Variants in SYNC observed in about 807,000 individuals in gnomAD.
SYNC encodes syncoilin, intermediate filament protein, also known as syncoilin.
A neutral mutation model predicts 49.5 loss-of-function variants in SYNC; 38 were observed. The observed-to-expected ratio is 0.77, with a 90% CI of 0.59 to 1.01. The LOEUF (loss-of-function observed/expected upper bound fraction) is 1.01, where lower values mean the gene tolerates loss of function less well. Among genes scored for constraint, SYNC ranks in the 50% least tolerant of loss-of-function variants. SYNC has a pLI of 0.00. For missense variants in SYNC, 579 were observed against 580.6 expected (o/e 1.00, Z 0.03); for synonymous variants, 201 against 230.8 (o/e 0.87, Z 1.17).
Position 32,702,437 on chromosome 1 carries a change from G to A in SYNC, c.53+171C>T, listed in dbSNP as rs773092081. Among the ~76,000 whole-genome samples, 40 of 152,116 alleles carry A rather than the reference G, an allele frequency of 2.6e-4. No individual in the cohort carries two copies. The highest frequency in any genetic ancestry group is 4.3e-4 in the Non-Finnish European group (29 of 68,006). On this transcript the variant is annotated intron_variant, in intron 1 of 4. Coordinates refer to ENST00000409190, the MANE Select transcript of SYNC (RefSeq NM_030786.3). This position sits in a 1 kb window ranked among gnomAD's most constrained non-coding sequence, Gnocchi z 6.2. ...AGACAAACGGAGGTGCCAGGACCCC[G>A]GGACGGCCCGACTCCCCGATGTCCC...
chr1:32,703,049 TG>T (rs1650732052), upstream of SYNC: 1 of 150,640 alleles, frequency 6.6e-6, no homozygotes, highest in African/African-American at 2.5e-5. Context: ...CCTGGGAGGG[TG>T]GAGGCAGGGT....
rs975305072 is a variant in SYNC at position 32,679,966 on chromosome 1, A to C, written c.*1884T>G. ...GGTCTAAAGTAGCTACAGAAAGGGG[A>C]ATATTATGTGTGATTATTTTTCTTC... On this transcript the variant is annotated 3_prime_UTR_variant, in exon 5 of 5. Coordinates refer to ENST00000409190, the MANE Select transcript of SYNC (RefSeq NM_030786.3). The C allele has an allele frequency of 5.6e-6, 7 of 1,246,414 alleles. No homozygotes were observed. The African/African-American group carries it at 1.1e-4, about 20-fold the overall frequency. The allele number at this position is 1,246,414 out of a possible 1,614,324, so 77.2% of individuals were successfully genotyped here.
chr1:32,683,915 G>A, intron 4 of SYNC, 95 bp downstream of exon 4: 1 of 1,281,864 alleles, frequency 7.8e-7, no homozygotes, highest in East Asian at 2.3e-5. Context: ...TTACAGGCGT[G>A]AGCCACCCCG....
At chr1:32,682,019 AATGGTG>A (rs1244498446) in intron 4 of SYNC, 159 bp from the exon 5 acceptor site, 12 of 641,768 alleles carry the variant, frequency 1.9e-5, no homozygotes, top group Non-Finnish European at 2.8e-5. Context: ...AAATAGAATG[AATGGTG>A]ATGGTGATGG....
Position 32,695,440 on chromosome 1 carries a change from C to T in SYNC, c.658G>A (p.Ala220Thr), listed in dbSNP as rs553269840. 2 of 1,551,668 alleles carry T rather than the reference C, an allele frequency of 1.3e-6. No homozygotes were observed. Among genetic ancestry groups the T allele is most frequent in the Admixed American group, 2.0e-5 (1 of 50,890 alleles). Residue 220 changes from alanine (A) to threonine (T), a missense_variant, in exon 2 of 5, where the codon GCT becomes ACT. Transcript: ENST00000409190. ...EVQQVHQDIL[A>T]AYKLHAQAEL... ...GCTTGGGCATGGAGCTTGTAGGCAGCCAGGATGTCTTGATGGACTTGCTGT... is the reference window on the plus strand; with the variant it reads ...GCTTGGGCATGGAGCTTGTAGGCAGTCAGGATGTCTTGATGGACTTGCTGT...
chr1:32,691,327 A>G (rs933059878), intron 2 of SYNC, among the ~76,000 whole-genome samples: 15 of 151,172 alleles, frequency 9.9e-5, no homozygotes, highest in Non-Finnish European at 1.5e-4. Flanking sequence ...CCCGGGAGGT[A>G]GAGGTTGCAA....
chr1:32,698,182 C>T (rs1650514306), intron 1 of SYNC, among the ~76,000 whole-genome samples: 1 of 145,302 alleles, frequency 6.9e-6, no homozygotes, highest in South Asian at 2.2e-4. Context: ...GAGATCACAC[C>T]ACAGCCTGGG....
At chr1:32,687,861 A>ATTATTATTATTATTTTATTG (rs1280120903) in intron 2 of SYNC, among the ~76,000 whole-genome samples, 4 of 146,440 alleles carry the variant, frequency 2.7e-5, no homozygotes, top group Non-Finnish European at 6.0e-5. Flanking sequence ...TATTATTATT[A>ATTATTATTATTATTTTATTG]TTTTTTGAGA....
chr1:32,690,503 G>A (rs1232511829), intron 2 of SYNC, among the ~76,000 whole-genome samples: 1 of 151,928 alleles, frequency 6.6e-6, no homozygotes, highest in South Asian at 2.1e-4. Context: ...AAATTAGCGA[G>A]GCCTGGTGGC....
At chr1:32,698,793 T>G (rs1487655838) in intron 1 of SYNC, among the ~76,000 whole-genome samples, 3 of 151,448 alleles carry the variant, frequency 2.0e-5, no homozygotes, top group African/African-American at 7.3e-5. Flanking sequence ...CTTTTTTTTT[T>G]TTTTTGAGAT....
At chr1:32,683,945 A>ATT in intron 4 of SYNC, 65 bp downstream of exon 4, 1 of 1,529,080 alleles carries the variant, frequency 6.5e-7, no homozygotes, top group Non-Finnish European at 9.0e-7. Context: ...TTTTTAAGGC[A>ATT]TTAATTAGTA....
At position 32,695,348 on chromosome 1, in the gene SYNC, T is replaced by C. The variant is rs2148559788; in HGVS notation, c.750A>G (p.Thr250=). 1 of 1,551,682 alleles carries C rather than the reference T, an allele frequency of 6.4e-7. No homozygotes were observed. Among genetic ancestry groups the C allele is most frequent in the Non-Finnish European group, 8.7e-7 (1 of 1,147,064 alleles). ...RLVKQKLFKV[T]KECVAYQYQL... is the part of the protein sequence containing the mutation. ...GGTATTGGTAGGCCACACATTCCTT[T>C]GTCACTTTGAAAAGCTTCTGCTTGA... Residue 250 remains threonine (T), a synonymous_variant, in exon 2 of 5, where the codon ACA becomes ACG. Transcript: ENST00000409190.
Position 32,695,831 on chromosome 1 carries a change from C to G in SYNC, c.267G>C (p.Met89Ile). The change falls in exon 2 of 5, where the codon ATG (methionine) becomes ATC (isoleucine). Residue 89 changes from methionine to isoleucine, a missense_variant. Coordinates refer to ENST00000409190, the MANE Select transcript of SYNC (RefSeq NM_030786.3). The stretch of plus-strand genomic sequence containing the variant: ...CCACATGCAGAGCCTCATCTGGCTG[C>G]ATGGCCTCCTCAATATACAGGGCCT... ...AEEALYIEEA[M>I]QPDEALHVEE... is the part of the protein sequence containing the mutation. 2 of 1,551,960 alleles carry G rather than the reference C, an allele frequency of 1.3e-6. No homozygotes were observed. The highest frequency in any genetic ancestry group is 1.7e-6 in the Non-Finnish European group (2 of 1,147,052).
In SYNC at chr1:32,681,834, AT is replaced by A; in HGVS notation, c.*15del. 6.2e-7 allele frequency: 1 copy of A among 1,614,154 alleles called. No homozygotes were observed. The highest frequency in any genetic ancestry group is 8.5e-7 in the Non-Finnish European group (1 of 1,180,028). On this transcript the variant is annotated 3_prime_UTR_variant, in exon 5 of 5. Coordinates refer to ENST00000409190, the MANE Select transcript of SYNC (RefSeq NM_030786.3). Reference sequence around the variant, plus strand: ...GTTTTTTGCTGTTTCCGGGTTACAGATTTGGCCATATATTTCTAAACAGCCC... The same window carrying A: ...GTTTTTTGCTGTTTCCGGGTTACAGATTGGCCATATATTTCTAAACAGCCC...
Position 32,695,927 on chromosome 1 carries a change from G to A in SYNC, c.171C>T (p.Asp57=), listed in dbSNP as rs1570922621. Reference sequence around the variant, plus strand: ...CACCTGTGTCCTCCAGGTAGAGAATGTCTTCGAGGTTTAAGGACCCCTCTG... The same window carrying A: ...CACCTGTGTCCTCCAGGTAGAGAATATCTTCGAGGTTTAAGGACCCCTCTG... The part of the protein sequence containing the change: ...LSSEGSLNLE[D]ILYLEDTGDL... Residue 57 remains aspartate (D), a synonymous_variant, in exon 2 of 5, where the codon GAC becomes GAT. Coordinates refer to ENST00000409190, the MANE Select transcript of SYNC (RefSeq NM_030786.3). 3 of 1,551,196 alleles carry A rather than the reference G, an allele frequency of 1.9e-6. No individual in the cohort carries two copies. Among genetic ancestry groups the A allele is most frequent in the African/African-American group, 1.4e-5 (1 of 73,156 alleles).
At chr1:32,687,477 C>T (rs535195975) in intron 2 of SYNC, among the ~76,000 whole-genome samples, 2 of 151,976 alleles carry the variant, frequency 1.3e-5, no homozygotes, top group East Asian at 3.9e-4. Flanking sequence ...TCAAAACCAT[C>T]CCGGCCAACG....
At chr1:32,687,379 A>T (rs1649903135) in intron 2 of SYNC, among the ~76,000 whole-genome samples, 1 of 130,824 alleles carries the variant, frequency 7.6e-6, no homozygotes, top group African/African-American at 2.8e-5. Flanking sequence ...AAAAAAAACC[A>T]TAAAAGTGTT....
Position 32,681,546 on chromosome 1 carries a change from C to A in SYNC, c.*304G>T. 1 of 474,432 alleles carries A rather than the reference C, an allele frequency of 2.1e-6. No individual in the cohort carries two copies. The allele number at this position is 474,432 out of a possible 1,614,324, so 29.4% of individuals were successfully genotyped here. A position where few individuals can be genotyped will look rare whatever the true frequency, so the allele number is the denominator to read the frequency against. On this transcript the variant is annotated 3_prime_UTR_variant, in exon 5 of 5. Transcript: ENST00000409190. ...TGTGTCCATACATTCATCCTTCACT[C>A]AGTGCATATGTGAGGGTTGTTGCTG...
rs531506450 is a variant in SYNC at position 32,692,951 on chromosome 1, C to T, written c.1233+1914G>A. On this transcript the variant is annotated intron_variant, in intron 2 of 4. Transcript: ENST00000409190. ...CCGGGAGGTGGAGTTTGCAGTGAGC[C>T]GAGATTGGTTCAGTGCACTCCAGCC... 1.7e-4 allele frequency among the ~76,000 whole-genome samples: 25 copies of T among 151,348 alleles called. No individual in the cohort carries two copies. The South Asian group carries it at 2.5e-3, about 15-fold the overall frequency.
Sources: gnomAD v4.1 joint callset for allele counts (sites outside exome capture counted in the v4.1 genomes callset) on GRCh38, gnomAD v4.1.1 for gene constraint, Gnocchi (gnomAD v3.1) non-coding constraint, MANE v1.5 for transcripts, NCBI Gene and HGNC (gene_info 2026-07-23, HGNC 2026-07-21) for gene names.